The following ZWILCH variants were observed in gnomAD, a reference collection of about 807,000 sequenced individuals.
ZWILCH encodes the protein protein zwilch homolog.
Under a neutral mutation model 79.9 loss-of-function variants are expected in ZWILCH, and 74 were observed. That is an observed-to-expected ratio of 0.93 (90% CI 0.77 to 1.12). The LOEUF is 1.12. Among genes scored for constraint, ZWILCH ranks in the 50% most tolerant of loss-of-function variants. The probability of loss-of-function intolerance (pLI) is 0.00; values close to 1 mark genes in which losing one functional copy is unlikely to be tolerated. For missense variants in ZWILCH, 694 were observed against 687.5 expected (o/e 1.01, Z -0.11); for synonymous variants, 241 against 228.2 (o/e 1.06, Z -0.51).
chr15:66,515,931 C>T (rs1894236760), intron 4 of ZWILCH, among the ~76,000 whole-genome samples: 1 of 152,182 alleles, frequency 6.6e-6, no homozygotes, highest in Admixed American at 6.5e-5. Flanking sequence ...TCCAGTCTTT[C>T]TTCCTCAAAT....
chr15:66,537,135 T>C, intron 15 of ZWILCH, 33 bp from the exon 16 acceptor site: 1 of 1,577,140 alleles, frequency 6.3e-7, no homozygotes, highest in Non-Finnish European at 8.7e-7. Context: ...AATGGCTCTT[T>C]TTTCCAAAAG....
intron 17 of ZWILCH, among the ~76,000 whole-genome samples, chr15:66,545,980 A>G (rs1895358221): frequency 6.6e-6 from 1 of 152,184 alleles, no homozygotes; most frequent in African/African-American, 2.4e-5. Context: ...AGAAATGTGT[A>G]CTTTTAGCCA....
chr15:66,546,904 AG>A (rs61411192), intron 18 of ZWILCH, 199 bp downstream of exon 18: 2,582 of 234,914 alleles, frequency 0.011, 67 homozygotes, highest in African/African-American at 0.055. Flanking sequence ...AACTTTTAAT[AG>A]GTCAATTTAA....
chr15:66,531,400 C>G (rs978724100), intron 12 of ZWILCH, among the ~76,000 whole-genome samples: 1 of 152,038 alleles, frequency 6.6e-6, no homozygotes, highest in Non-Finnish European at 1.5e-5. Flanking sequence ...AAGTTTAAAC[C>G]CTTCTTAGTT....
chr15:66,507,849 C>T (rs1347410612), intron 1 of ZWILCH, among the ~76,000 whole-genome samples: 1 of 150,892 alleles, frequency 6.6e-6, no homozygotes, highest in Non-Finnish European at 1.5e-5. Flanking sequence ...AGGAGAATGG[C>T]GTGAACCCGG....
intron 17 of ZWILCH, among the ~76,000 whole-genome samples, chr15:66,545,128 G>A (rs928319167): frequency 2.6e-5 from 4 of 151,710 alleles, no homozygotes; most frequent in Middle Eastern, 3.4e-3. Flanking sequence ...TGAGGTGGGT[G>A]GATCACCTGA....
intron 2 of ZWILCH, among the ~76,000 whole-genome samples, chr15:66,511,977 G>C (rs946921680): frequency 6.6e-6 from 1 of 152,172 alleles, no homozygotes; most frequent in African/African-American, 2.4e-5. Context: ...GCAACATTTT[G>C]AAAGGCAGTC....
At chr15:66,537,488 C>T (rs945670056) in intron 16 of ZWILCH, among the ~76,000 whole-genome samples, 2 of 151,850 alleles carry the variant, frequency 1.3e-5, no homozygotes, top group Admixed American at 6.6e-5. Flanking sequence ...GTCAGGAGTT[C>T]GAGACCAGCC....
At chr15:66,547,752 T>C (rs1895432071) in intron 18 of ZWILCH, 3 of 152,174 alleles carry the variant, frequency 2.0e-5, no homozygotes, top group Admixed American at 2.0e-4. Flanking sequence ...TGGCTAATAA[T>C]ATTTACAACC....
chr15:66,517,430 G>GTGTGTGTGTATATATATATATATATATA, intron 4 of ZWILCH, among the ~76,000 whole-genome samples: 20 of 66,480 alleles, frequency 3.0e-4, no homozygotes, highest in African/African-American at 4.9e-4. Context: ...GTGTGTGTGT[G>GTGTGTGTGTATATATATATATATATATA]TATATATATA....
At chr15:66,529,196 T>C (rs1231237976) in intron 11 of ZWILCH, among the ~76,000 whole-genome samples, 1 of 152,210 alleles carries the variant, frequency 6.6e-6, no homozygotes, top group East Asian at 1.9e-4. Context: ...GTAATTTTCA[T>C]GATCTATTTA....
chr15:66,537,238 A>G lies in ZWILCH; in HGVS notation c.1549A>G (p.Thr517Ala), dbSNP rs1332276134. Residue 517 changes from threonine to alanine, a missense_variant, in exon 16 of 19, where the codon ACT becomes GCT. Transcript: ENST00000307897. ...CATTTTTCAGCTGCCAGTCAGACCA[A>G]CTGCTGTAAAGAACTTATATCAAAG... ...QHIFQLPVRP[T>A]AVKNLYQSEK... 6 of 1,613,174 alleles carry G rather than the reference A, an allele frequency of 3.7e-6. No homozygotes were observed. The highest frequency in any genetic ancestry group is 2.2e-5 in the East Asian group (1 of 44,874).
intron 2 of ZWILCH, among the ~76,000 whole-genome samples, chr15:66,510,605 G>A (rs1443306190): frequency 6.6e-6 from 1 of 152,056 alleles, no homozygotes; most frequent in Non-Finnish European, 1.5e-5. Flanking sequence ...GTTTCCTAGA[G>A]CTGCTATAGC....
At chr15:66,531,105 A>G (rs35544516) in intron 12 of ZWILCH, among the ~76,000 whole-genome samples, 12,762 of 152,328 alleles carry the variant, frequency 0.084, 631 homozygotes, top group African/African-American at 0.12. Flanking sequence ...AAAATGAATC[A>G]TTTAACATTT....
chr15:66,523,850 G>T (rs1894587365), intron 8 of ZWILCH, 102 bp downstream of exon 8: 2 of 819,952 alleles, frequency 2.4e-6, no homozygotes, highest in South Asian at 3.9e-5. Context: ...AACTTCTTCA[G>T]ATGTTATGTA....
intron 4 of ZWILCH, among the ~76,000 whole-genome samples, chr15:66,517,397 A>G: frequency 9.7e-6 from 1 of 103,236 alleles, no homozygotes; most frequent in East Asian, 2.8e-4. Context: ...TTATACCTAT[A>G]GATTTTGTGT....
At position 66,513,614 on chromosome 15, in the gene ZWILCH, C is replaced by T. The variant is rs58601117; in HGVS notation, c.106-374C>T. Among the ~76,000 whole-genome samples the T allele has an allele frequency of 3.7e-3, 560 of 151,702 alleles. 6 individuals carry two copies. Among genetic ancestry groups the T allele is most frequent in the African/African-American group, 0.013 (550 of 41,440 alleles). The stretch of plus-strand genomic sequence containing the variant: ...TGAAACAGAGTCTCACTCTGTCCCC[C>T]AGGCTGGAGTGCAGTGGCACGATCT... On this transcript the variant is annotated intron_variant, in intron 2 of 18. Transcript: ENST00000307897.
At position 66,546,701 on chromosome 15, in the gene ZWILCH, A is replaced by G; in HGVS notation, c.*22A>G. ...GTGAAGTGTGCTGATGAAGTCCTCT[A>G]TAAGGTATTTATGTTCACATTTTAG... On this transcript the variant is annotated 3_prime_UTR_variant, in exon 18 of 19. Coordinates refer to ENST00000307897, the MANE Select transcript of ZWILCH (RefSeq NM_017975.5). 1.3e-6 allele frequency: 2 copies of G among 1,550,728 alleles called. No homozygotes were observed. The highest frequency in any genetic ancestry group is 1.8e-6 in the Non-Finnish European group (2 of 1,137,024).
At chr15:66,538,661 G>A (rs971118837) in intron 16 of ZWILCH, among the ~76,000 whole-genome samples, 8 of 152,170 alleles carry the variant, frequency 5.3e-5, no homozygotes, top group African/African-American at 1.7e-4. Context: ...GATTACAGGT[G>A]TGAGCCACCA....
Sources: allele counts gnomAD v4.1 joint callset (sites outside exome capture counted in the v4.1 genomes callset), GRCh38; gene constraint gnomAD v4.1.1; transcripts MANE v1.5; gene names NCBI Gene and HGNC (gene_info 2026-07-23, HGNC 2026-07-21).